The following RAD51B variants were observed in gnomAD, a reference collection of about 807,000 sequenced individuals.
The protein encoded by RAD51B is DNA repair protein RAD51 homolog 2.
A neutral mutation model predicts 42.2 loss-of-function variants in RAD51B; 38 were observed. That is an observed-to-expected ratio of 0.90 (90% CI 0.70 to 1.18). The LOEUF is 1.18. Ranked by LOEUF, RAD51B falls within the 50% of genes most tolerant of loss-of-function variation. The probability of loss-of-function intolerance (pLI) is 0.00; values close to 1 mark genes in which losing one functional copy is unlikely to be tolerated. For missense variants in RAD51B, 373 were observed against 400.7 expected, an observed-to-expected ratio of 0.93 and a Z score of 0.59; for synonymous variants, 154 against 145.2, an observed-to-expected ratio of 1.06 and a Z score of -0.43.
intron 7 of RAD51B, among the ~76,000 whole-genome samples, chr14:68,076,320 G>T (rs778244825): frequency 3.3e-5 from 5 of 152,168 alleles, no homozygotes; most frequent in Non-Finnish European, 7.3e-5. Context: ...CAGTAACCAT[G>T]TGCAGAAATC....
intron 7 of RAD51B, among the ~76,000 whole-genome samples, chr14:68,101,715 G>A (rs1307352564): frequency 6.6e-6 from 1 of 152,202 alleles, no homozygotes; most frequent in Non-Finnish European, 1.5e-5. Context: ...AGTGTCTGTG[G>A]CTTTTCCAGG....
chr14:67,971,497 A>G (rs2074897193), intron 7 of RAD51B, among the ~76,000 whole-genome samples: 2 of 152,110 alleles, frequency 1.3e-5, no homozygotes, highest in African/African-American at 4.8e-5. Flanking sequence ...CTTCTCTGCA[A>G]AGGTAAACTG....
At chr14:68,112,003 ACT>A (rs1647240338) in intron 7 of RAD51B, among the ~76,000 whole-genome samples, 1 of 151,776 alleles carries the variant, frequency 6.6e-6, no homozygotes. Flanking sequence ...CAATCTTCTA[ACT>A]CTCCTGCAAG....
At chr14:67,848,622 A>G (rs2041703232) in intron 4 of RAD51B, among the ~76,000 whole-genome samples, 1 of 151,892 alleles carries the variant, frequency 6.6e-6, no homozygotes, top group Non-Finnish European at 1.5e-5. Flanking sequence ...TGATCCTGTC[A>G]TTGTGTTGTT....
At chr14:68,096,645 ATTC>A (rs1326404131) in intron 7 of RAD51B, among the ~76,000 whole-genome samples, 2 of 152,184 alleles carry the variant, frequency 1.3e-5, no homozygotes, top group African/African-American at 4.8e-5. Context: ...TACAGATGAA[ATTC>A]TTCTCAGATC....
intron 7 of RAD51B, among the ~76,000 whole-genome samples, chr14:67,976,425 AGTTTTTT>A (rs1009923258): frequency 9.9e-5 from 15 of 151,644 alleles, no homozygotes; most frequent in East Asian, 5.8e-4. Flanking sequence ...GCTCAACTCT[AGTTTTTT>A]GTTTTTTGTT....
At chr14:67,942,284 A>G (rs2045236123) in intron 7 of RAD51B, among the ~76,000 whole-genome samples, 1 of 152,136 alleles carries the variant, frequency 6.6e-6, no homozygotes, top group Non-Finnish European at 1.5e-5. Flanking sequence ...TCCTTTTGAG[A>G]TTTTTTCCTC....
intron 7 of RAD51B, among the ~76,000 whole-genome samples, chr14:68,005,045 G>GTGTT (rs1555339751): frequency 1.3e-5 from 1 of 79,502 alleles, no homozygotes; most frequent in Non-Finnish European, 2.4e-5. Flanking sequence ...GTGTGTGTGT[G>GTGTT]TTTTTTTTTT....
At chr14:67,926,925 A>C (rs757570486) in intron 7 of RAD51B, among the ~76,000 whole-genome samples, 1 of 152,162 alleles carries the variant, frequency 6.6e-6, no homozygotes, top group African/African-American at 2.4e-5. Flanking sequence ...GACAATTTAC[A>C]GATCCTGAGG....
At chr14:68,659,062 G>T (rs1385141110) in intron 11 of RAD51B, among the ~76,000 whole-genome samples, 1 of 152,176 alleles carries the variant, frequency 6.6e-6, no homozygotes, top group Non-Finnish European at 1.5e-5. Context: ...TCTGCTGCTG[G>T]CAAGGGTGAC....
chr14:68,441,794 TGAA>T (rs1192843435), intron 9 of RAD51B, among the ~76,000 whole-genome samples: 3 of 152,320 alleles, frequency 2.0e-5, no homozygotes, highest in East Asian at 3.9e-4. Flanking sequence ...TCTGGTTCTA[TGAA>T]GAAGAAGCAA....
intron 2 of RAD51B, among the ~76,000 whole-genome samples, chr14:67,824,190 G>A (rs981045979): frequency 3.3e-5 from 5 of 152,208 alleles, no homozygotes; most frequent in African/African-American, 1.2e-4. Flanking sequence ...CTCCCAGCTA[G>A]CTGGGATTAC....
intron 7 of RAD51B, among the ~76,000 whole-genome samples, chr14:67,928,939 T>G (rs1417542316): frequency 6.6e-6 from 1 of 152,190 alleles, no homozygotes; most frequent in African/African-American, 2.4e-5. Context: ...GTACTTCTGG[T>G]GTCAGCTGCA....
At chr14:67,867,697 G>A (rs945809970) in intron 5 of RAD51B, among the ~76,000 whole-genome samples, 2 of 152,310 alleles carry the variant, frequency 1.3e-5, no homozygotes, top group East Asian at 3.9e-4. Context: ...CTCTCATAGC[G>A]AGGAAGAAGT....
intron 10 of RAD51B, among the ~76,000 whole-genome samples, chr14:68,580,165 G>A (rs902721078): frequency 5.3e-5 from 8 of 152,226 alleles, no homozygotes; most frequent in African/African-American, 1.7e-4. Flanking sequence ...CGGGCTCCCG[G>A]TTCCCCCTCA....
chr14:68,080,930 T>C (rs2076903784), intron 7 of RAD51B, among the ~76,000 whole-genome samples: 1 of 152,222 alleles, frequency 6.6e-6, no homozygotes. Flanking sequence ...AGAATTTCAC[T>C]GAAGATCAGA....
At chr14:67,882,356 C>T (rs1041382133) in intron 5 of RAD51B, among the ~76,000 whole-genome samples, 19 of 152,086 alleles carry the variant, frequency 1.2e-4, no homozygotes, top group African/African-American at 4.1e-4. Flanking sequence ...TTGCTGGATC[C>T]TCCTCATCAT....
At chr14:68,514,642 T>C (rs1388075303) in intron 10 of RAD51B, among the ~76,000 whole-genome samples, 1 of 152,100 alleles carries the variant, frequency 6.6e-6, no homozygotes, top group Non-Finnish European at 1.5e-5. Flanking sequence ...TTGTTGTTGC[T>C]TAAACGTTTA....
intron 7 of RAD51B, among the ~76,000 whole-genome samples, chr14:68,197,238 T>C (rs1454827770): frequency 6.6e-6 from 1 of 152,222 alleles, no homozygotes; most frequent in East Asian, 1.9e-4. Context: ...CTGATTTCTA[T>C]CACTACAGAT....
Sources: gnomAD v4.1 joint callset for allele counts (sites outside exome capture counted in the v4.1 genomes callset) on GRCh38, gnomAD v4.1.1 for gene constraint, MANE v1.5 for transcripts, NCBI Gene and HGNC (gene_info 2026-07-23, HGNC 2026-07-21) for gene names.